ARHGAP40: variants seen among roughly 807,000 people sequenced by gnomAD.
The protein encoded by ARHGAP40 is rho GTPase-activating protein 40.
Under a neutral mutation model 73.5 loss-of-function variants are expected in ARHGAP40, and 43 were observed. The ratio of observed to expected loss-of-function variants is 0.58; its 90% CI spans 0.46 to 0.75. ARHGAP40 has a LOEUF of 0.75. Among genes scored for constraint, ARHGAP40 ranks in the 30% least tolerant of loss-of-function variants. ARHGAP40 has a pLI of 0.00. For synonymous variants in ARHGAP40, 300 were observed against 352.8 expected, an observed-to-expected ratio of 0.85 and a Z score of 1.68; for missense variants, 734 against 861.8, an observed-to-expected ratio of 0.85 and a Z score of 1.86.
intron 10 of ARHGAP40, 130 bp downstream of exon 10, chr20:38,641,938 C>A: frequency 1.6e-6 from 1 of 639,938 alleles, no homozygotes; most frequent in Non-Finnish European, 2.2e-6. Flanking sequence ...AGTGATGACC[C>A]ACACAAACCT....
chr20:38,639,543 G>A (rs1396464006), intron 9 of ARHGAP40, among the ~76,000 whole-genome samples, 157 bp downstream of exon 9: 1 of 152,256 alleles, frequency 6.6e-6, no homozygotes, highest in Non-Finnish European at 1.5e-5. Context: ...GTGTGAACAT[G>A]TGAGCCCAAT....
intron 10 of ARHGAP40, among the ~76,000 whole-genome samples, 160 bp downstream of exon 10, chr20:38,641,968 A>C (rs2089021500): frequency 6.6e-6 from 1 of 152,118 alleles, no homozygotes; most frequent in African/African-American, 2.4e-5. Flanking sequence ...CTTTTTCTTA[A>C]AGAAAGTAGA....
At chr20:38,617,361 T>C (rs2088847751) in intron 1 of ARHGAP40, among the ~76,000 whole-genome samples, 1 of 152,198 alleles carries the variant, frequency 6.6e-6, no homozygotes, top group Non-Finnish European at 1.5e-5. Flanking sequence ...TTTGCTCCAC[T>C]GTCATATTAT....
chr20:38,623,652 A>G (rs1377811595), intron 2 of ARHGAP40, 94 bp downstream of exon 2: 1 of 1,051,220 alleles, frequency 9.5e-7, no homozygotes, highest in East Asian at 6.2e-5. Context: ...CCAGAACATG[A>G]CAGCATTTTC....
chr20:38,624,375 A>G (rs2145602211), intron 2 of ARHGAP40, among the ~76,000 whole-genome samples: 1 of 152,300 alleles, frequency 6.6e-6, no homozygotes, highest in Non-Finnish European at 1.5e-5. Flanking sequence ...TAGAAGAAAG[A>G]CAACATTGCT....
intron 3 of ARHGAP40, 26 bp downstream of exon 3, chr20:38,627,241 G>T: frequency 7.7e-7 from 1 of 1,299,212 alleles, no homozygotes; most frequent in Non-Finnish European, 1.0e-6. Context: ...GTCATTGCAG[G>T]CCCCGTCTGA....
intron 1 of ARHGAP40, among the ~76,000 whole-genome samples, chr20:38,607,341 T>G (rs2088776986): frequency 6.6e-6 from 1 of 152,084 alleles, no homozygotes; most frequent in Admixed American, 6.6e-5. Context: ...CACTCACACA[T>G]CCTCCTGGTT....
chr20:38,629,048 C>T (rs527727194), intron 4 of ARHGAP40, 46 bp downstream of exon 4: 1 of 1,257,332 alleles, frequency 8.0e-7, no homozygotes, highest in South Asian at 1.3e-5. Flanking sequence ...CTCCAGGCTG[C>T]ATAAAGGGCT....
intron 3 of ARHGAP40, among the ~76,000 whole-genome samples, chr20:38,627,675 T>G (rs111362022): frequency 2.0e-5 from 3 of 148,552 alleles, no homozygotes; most frequent in African/African-American, 7.5e-5. Flanking sequence ...GGTGTGTTGG[T>G]GTGTGTGTTG....
intron 1 of ARHGAP40, among the ~76,000 whole-genome samples, chr20:38,620,892 C>T (rs1456887009): frequency 6.6e-6 from 1 of 152,164 alleles, no homozygotes; most frequent in Non-Finnish European, 1.5e-5. Flanking sequence ...AAGCCACAAG[C>T]CAGGGTCTAC....
chr20:38,629,102 G>C (rs1489625903), intron 4 of ARHGAP40, 100 bp downstream of exon 4: 1 of 1,002,764 alleles, frequency 1.0e-6, no homozygotes, highest in Non-Finnish European at 1.3e-6. Flanking sequence ...AGCATTTCCT[G>C]CTTCCTGCTG....
At chr20:38,608,869 A>T (rs1482249377) in intron 1 of ARHGAP40, among the ~76,000 whole-genome samples, 1 of 152,150 alleles carries the variant, frequency 6.6e-6, no homozygotes, top group Non-Finnish European at 1.5e-5. Context: ...TCAATTTTCT[A>T]GCTTCAAGAA....
At chr20:38,615,352 T>C (rs565779344) in intron 1 of ARHGAP40, 12 of 764,050 alleles carry the variant, frequency 1.6e-5, no homozygotes, top group South Asian at 2.7e-5. Flanking sequence ...GTACTTCCAC[T>C]GGTAAACCAG....
At chr20:38,641,958 CTT>C (rs2089021390) in intron 10 of ARHGAP40, 150 bp downstream of exon 10, 5 of 549,830 alleles carry the variant, frequency 9.1e-6, no homozygotes, top group Non-Finnish European at 8.2e-6. Flanking sequence ...TCTCTTGAGA[CTT>C]TTTCTTAAAG....
chr20:38,634,654 C>T lies in ARHGAP40; in HGVS notation c.818C>T (p.Thr273Met), dbSNP rs1014530768. 17 of 1,305,278 alleles carry T rather than the reference C, an allele frequency of 1.3e-5. No homozygotes were observed. The highest frequency in any genetic ancestry group is 2.1e-4 in the Middle Eastern group (1 of 4,720). The allele number at this position is 1,305,278 out of a possible 1,614,324, so 80.9% of individuals were successfully genotyped here. The change falls in exon 6 of 15, where the codon ACG becomes ATG. Residue 273 changes from threonine to methionine, a missense_variant. Thr to Met is a moderately conservative substitution (Grantham distance 81). Coordinates refer to ENST00000373345, the Ensembl canonical transcript of ARHGAP40. ...GTCCCCAAAGGCAGACTTGGCGTGA[C>T]GAGGATAGGAGACTTGTCCCTGCAG... is the stretch of plus-strand genomic sequence containing the variant.
At chr20:38,632,071 G>A (rs1296099382) in intron 5 of ARHGAP40, among the ~76,000 whole-genome samples, 4 of 150,946 alleles carry the variant, frequency 2.6e-5, no homozygotes, top group African/African-American at 9.8e-5. Context: ...TCAAGTGATT[G>A]TTGTGCCTCT....
chr20:38,628,948 G>A (rs946610702), exon 4 of ARHGAP40: 4 of 1,304,744 alleles, frequency 3.1e-6, no homozygotes, highest in East Asian at 1.1e-4. Flanking sequence ...AGAGAATGGC[G>A]ACTCCGGTAT....
chr20:38,641,462 G>T (rs2089017882), intron 9 of ARHGAP40, among the ~76,000 whole-genome samples: 1 of 152,182 alleles, frequency 6.6e-6, no homozygotes, highest in Non-Finnish European at 1.5e-5. Flanking sequence ...CTGCATCTAG[G>T]TCTGTGCGGC....
At chr20:38,604,280 A>G (rs1181959827) in intron 1 of ARHGAP40, among the ~76,000 whole-genome samples, 1 of 152,196 alleles carries the variant, frequency 6.6e-6, no homozygotes, top group Admixed American at 6.5e-5. Flanking sequence ...TGTGCTTAAT[A>G]GCTACTGGTT....
Sources: allele counts gnomAD v4.1 joint callset (sites outside exome capture counted in the v4.1 genomes callset), GRCh38; gene constraint gnomAD v4.1.1; transcripts MANE v1.5; gene names NCBI Gene and HGNC (gene_info 2026-07-23, HGNC 2026-07-21).